RIPOR3: variants seen among roughly 807,000 people sequenced by gnomAD.
The protein encoded by RIPOR3 is RIPOR family member 3.
RIPOR3 carries 95 observed loss-of-function variants against 114.3 expected under a neutral mutation model. That is an observed-to-expected ratio of 0.83 (90% confidence interval 0.70 to 0.99). The LOEUF is 0.99. RIPOR3 is among the 50% of genes least tolerant of loss of function. The pLI is 0.00. For missense variants in RIPOR3, 1,252 were observed against 1,266.9 expected (o/e 0.99, Z 0.18); for synonymous variants, 575 against 543.8 (o/e 1.06, Z -0.80).
At chr20:50,647,848 A>C (rs1402912354) in intron 1 of RIPOR3, among the ~76,000 whole-genome samples, 1 of 151,986 alleles carries the variant, frequency 6.6e-6, no homozygotes, top group African/African-American at 2.4e-5. Flanking sequence ...TTCCTCATCT[A>C]TACATTGGAA....
chr20:50,591,390 G>C (rs2083102220), intron 19 of RIPOR3, among the ~76,000 whole-genome samples: 1 of 152,208 alleles, frequency 6.6e-6, no homozygotes, highest in Non-Finnish European at 1.5e-5. Flanking sequence ...TGATACAGGG[G>C]AGTGGAGGGG....
At chr20:50,641,879 C>G (rs231581) in intron 1 of RIPOR3, among the ~76,000 whole-genome samples, 43,971 of 151,904 alleles carry the variant, frequency 0.29, 7,695 homozygotes, top group African/African-American at 0.5. Flanking sequence ...CTTAACCCTC[C>G]CAATGCAGGG....
At chr20:50,609,393 G>C (rs2083862321) in intron 7 of RIPOR3, 37 bp from the exon 8 acceptor site, 1 of 1,606,810 alleles carries the variant, frequency 6.2e-7, no homozygotes, top group African/African-American at 1.3e-5. Flanking sequence ...TGGCTGCCTG[G>C]GGCTAGGCCA....
intron 3 of RIPOR3, among the ~76,000 whole-genome samples, chr20:50,619,489 A>G (rs1361807185): frequency 6.6e-6 from 1 of 151,074 alleles, no homozygotes; most frequent in Non-Finnish European, 1.5e-5. Flanking sequence ...CTTCTTGTGC[A>G]GGCCTCGGCC....
intron 1 of RIPOR3, among the ~76,000 whole-genome samples, chr20:50,672,090 G>C (rs1227452394): frequency 6.6e-6 from 1 of 152,094 alleles, no homozygotes; most frequent in Non-Finnish European, 1.5e-5. Flanking sequence ...CCACTGGCTG[G>C]AGCCGTGTGA....
chr20:50,669,428 G>A (rs1402158725), intron 1 of RIPOR3, among the ~76,000 whole-genome samples: 7 of 152,160 alleles, frequency 4.6e-5, no homozygotes, highest in Admixed American at 1.3e-4. Context: ...GCCTTTCTGG[G>A]TAAGTAGCCC....
chr20:50,601,400 A>G (rs2083488083), intron 13 of RIPOR3, among the ~76,000 whole-genome samples: 1 of 152,050 alleles, frequency 6.6e-6, no homozygotes. Context: ...CGCCGCTACA[A>G]CTCTGTTGCC....
At chr20:50,688,746 C>G (rs2087110241) in intron 1 of RIPOR3, among the ~76,000 whole-genome samples, 1 of 152,166 alleles carries the variant, frequency 6.6e-6, no homozygotes, top group African/African-American at 2.4e-5. Context: ...ACCATGGACG[C>G]TGCTGTGCTG....
At chr20:50,612,291 A>G (rs758350187) in intron 4 of RIPOR3, among the ~76,000 whole-genome samples, 28 of 152,136 alleles carry the variant, frequency 1.8e-4, no homozygotes, top group Admixed American at 3.9e-4. Context: ...GTTTTGTCCT[A>G]ACTAAGCAAC....
intron 1 of RIPOR3, among the ~76,000 whole-genome samples, chr20:50,653,778 A>G (rs1215244626): frequency 6.6e-6 from 1 of 151,942 alleles, no homozygotes; most frequent in African/African-American, 2.4e-5. Context: ...TTTTGTAGAG[A>G]CAGGGTTTTG....
At chr20:50,623,917 A>C (rs1252471068) in intron 2 of RIPOR3, among the ~76,000 whole-genome samples, 2 of 152,120 alleles carry the variant, frequency 1.3e-5, no homozygotes, top group East Asian at 3.8e-4. Context: ...GCTCACTGCA[A>C]CCTCCGCCTC....
At chr20:50,669,235 A>G (rs1331525080) in intron 1 of RIPOR3, among the ~76,000 whole-genome samples, 1 of 151,722 alleles carries the variant, frequency 6.6e-6, no homozygotes, top group Non-Finnish European at 1.5e-5. Context: ...CCCTTACCCA[A>G]CCCTGGTTCA....
intron 13 of RIPOR3, among the ~76,000 whole-genome samples, chr20:50,600,962 G>A (rs1460905736): frequency 6.6e-6 from 1 of 152,208 alleles, no homozygotes; most frequent in African/African-American, 2.4e-5. Context: ...GCGATAAAAT[G>A]TGTTTGAAGA....
intron 1 of RIPOR3, among the ~76,000 whole-genome samples, chr20:50,677,366 A>AC (rs1555876314): frequency 5.4e-4 from 40 of 73,428 alleles, no homozygotes; most frequent in Non-Finnish European, 2.8e-5. Context: ...TTCTTGTTTT[A>AC]CTTTTTTTTT....
intron 1 of RIPOR3, among the ~76,000 whole-genome samples, chr20:50,674,161 T>C (rs1337292950): frequency 6.6e-6 from 1 of 152,152 alleles, no homozygotes; most frequent in Non-Finnish European, 1.5e-5. Context: ...AAAGAGCATA[T>C]GTCTGATGCC....
In RIPOR3 at chr20:50,596,265, T is replaced by C; in HGVS notation, c.1791-2A>G. The stretch of plus-strand genomic sequence containing the variant: ...GGTGGGGGCAGGGGCCGGTCCTTTC[T>C]GAGTTGAATTGAGAACTGGGTGACC... On this transcript the variant is annotated splice_acceptor_variant, in intron 14 of 21. Coordinates refer to ENST00000327979, the MANE Select transcript of RIPOR3 (RefSeq NM_001290268.2). LOFTEE classifies it high-confidence loss of function. 6.2e-7 allele frequency: 1 copy of C among 1,614,068 alleles called. No individual in the cohort carries two copies. The highest frequency in any genetic ancestry group is 8.5e-7 in the Non-Finnish European group (1 of 1,179,998).
intron 1 of RIPOR3, among the ~76,000 whole-genome samples, chr20:50,634,327 C>T (rs993436298): frequency 1.3e-5 from 2 of 152,132 alleles, no homozygotes; most frequent in Non-Finnish European, 2.9e-5. Flanking sequence ...CCTTCTTCCA[C>T]GTGCCATGGC....
intron 1 of RIPOR3, among the ~76,000 whole-genome samples, chr20:50,654,228 G>A (rs1480556290): frequency 1.3e-5 from 2 of 151,456 alleles, no homozygotes; most frequent in Non-Finnish European, 2.9e-5. Flanking sequence ...GTACAGTGGC[G>A]CAATATCGGT....
At chr20:50,686,099 C>G (rs942085474) in intron 1 of RIPOR3, among the ~76,000 whole-genome samples, 2 of 152,052 alleles carry the variant, frequency 1.3e-5, no homozygotes, top group African/African-American at 4.8e-5. Context: ...TCTGTTGCCC[C>G]AGGCTGGAGT....
Sources: allele counts gnomAD v4.1 joint callset (sites outside exome capture counted in the v4.1 genomes callset), GRCh38; gene constraint gnomAD v4.1.1; transcripts MANE v1.5; gene names NCBI Gene and HGNC (gene_info 2026-07-23, HGNC 2026-07-21).